AFDN: variants seen among roughly 807,000 people sequenced by gnomAD.
AFDN encodes the protein afadin.
In AFDN, 68 loss-of-function variants were observed where a neutral mutation model predicts 216.6. The observed-to-expected ratio is 0.31, with a 90% confidence interval of 0.26 to 0.38. The LOEUF is 0.38. Ranked by LOEUF, AFDN falls within the 10% of genes least tolerant of loss-of-function variation. The pLI is 1.00. For synonymous variants in AFDN, 868 were observed against 853.7 expected, an observed-to-expected ratio of 1.02 and a Z score of -0.29; for missense variants, 2,136 against 2,342.0, an observed-to-expected ratio of 0.91 and a Z score of 1.82.
At chr6:167,913,595 A>G (rs1223550830) in intron 16 of AFDN, 172 bp downstream of exon 16, 2 of 581,470 alleles carry the variant, frequency 3.4e-6, no homozygotes, top group Admixed American at 3.3e-5. Context: ...CTTTATCGGC[A>G]TTTCATAATT....
At chr6:167,826,857 A>ACGGCGGG (rs1199015022), upstream of AFDN, 1 of 143,412 alleles carries the variant, frequency 7.0e-6, no homozygotes, top group African/African-American at 2.5e-5. Context: ...GGCGGCGCGC[A>ACGGCGGG]CGGCGGCGGG....
intron 12 of AFDN, among the ~76,000 whole-genome samples, chr6:167,906,305 G>A (rs1377692400): frequency 2.0e-5 from 3 of 152,186 alleles, no homozygotes; most frequent in Non-Finnish European, 4.4e-5. Flanking sequence ...AAGTGATATT[G>A]TAAGATGTTT....
At chr6:167,826,646 G>A (rs960589798), upstream of AFDN, 7 of 491,960 alleles carry the variant, frequency 1.4e-5, no homozygotes, top group South Asian at 3.1e-5. Flanking sequence ...GCGCGCGTCC[G>A]AACCGAACCT....
At chr6:167,906,760 C>T (rs952202529) in intron 12 of AFDN, among the ~76,000 whole-genome samples, 17 of 152,180 alleles carry the variant, frequency 1.1e-4, no homozygotes, top group Admixed American at 1.1e-3. Flanking sequence ...ATTTCTAAAT[C>T]TGTTCTGAGA....
chr6:167,870,443 A>G lies in AFDN; in HGVS notation c.359A>G (p.Asp120Gly), dbSNP rs1226175445. Residue 120 changes from aspartate (D) to glycine (G), a missense_variant, in exon 3 of 34, where the codon GAT becomes GGT. Around this residue, in one of 8 missense-constraint regions of AFDN, gnomAD observed 817 missense variants for 965.7 expected, o/e 0.85. Transcript: ENST00000683244. ...PLVVQLNWNK[D>G]DREGRFVLKN... The stretch of plus-strand genomic sequence containing the variant: ...GTTGTACAACTGAATTGGAACAAAG[A>G]TGATCGGGAAGGCAGATTTGTTCTT... 1.2e-6 allele frequency: 2 copies of G among 1,612,860 alleles called. No homozygotes were observed. Among genetic ancestry groups the G allele is most frequent in the South Asian group, 1.1e-5 (1 of 90,742 alleles).
intron 12 of AFDN, among the ~76,000 whole-genome samples, chr6:167,903,045 C>A (rs1039995424): frequency 6.6e-6 from 1 of 152,218 alleles, no homozygotes; most frequent in Non-Finnish European, 1.5e-5. Context: ...CTTTTATTAA[C>A]CCTTCAGTTT....
intron 2 of AFDN, 122 bp from the exon 3 acceptor site, chr6:167,870,264 C>A: frequency 1.7e-6 from 1 of 604,636 alleles, no homozygotes; most frequent in Non-Finnish European, 2.9e-6. Context: ...TTGAACAATA[C>A]ATTTCAGTCT....
intron 7 of AFDN, among the ~76,000 whole-genome samples, chr6:167,889,851 G>A (rs139206146): frequency 0.022 from 3,365 of 152,310 alleles, 60 homozygotes; most frequent in Non-Finnish European, 0.033. Flanking sequence ...GTATCTACCA[G>A]TAGTAGAAAA....
chr6:167,960,163 ATAG>A (rs1026289592), intron 30 of AFDN, among the ~76,000 whole-genome samples: 3 of 152,238 alleles, frequency 2.0e-5, no homozygotes, highest in African/African-American at 7.2e-5. Flanking sequence ...GTAAAGCAAC[ATAG>A]CTTTGAAGAA....
intron 5 of AFDN, among the ~76,000 whole-genome samples, chr6:167,880,059 T>C (rs540157073): frequency 6.6e-6 from 1 of 152,308 alleles, no homozygotes; most frequent in Non-Finnish European, 1.5e-5. Context: ...TTTTCTTTCC[T>C]CACTATAGAT....
At chr6:167,933,260 A>G (rs533430151) in intron 23 of AFDN, among the ~76,000 whole-genome samples, 15 of 152,364 alleles carry the variant, frequency 9.8e-5, no homozygotes, top group African/African-American at 2.9e-4. Flanking sequence ...TGCCTTAAGT[A>G]TGTTCAAGTT....
At chr6:167,886,727 A>G (rs886855575) in intron 6 of AFDN, among the ~76,000 whole-genome samples, 3 of 152,202 alleles carry the variant, frequency 2.0e-5, no homozygotes, top group Non-Finnish European at 4.4e-5. Context: ...TCAGAATACT[A>G]TTAGTAAAAC....
chr6:167,959,612 A>G lies in AFDN; in HGVS notation c.4834-2821A>G, dbSNP rs143373207. ...GAGTCGTGTTTTCAGTAATTTGTCA[A>G]AAAGTAAAGGGTATTATGACCCCAT... is the stretch of plus-strand genomic sequence containing the variant. On this transcript the variant is annotated intron_variant, in intron 30 of 33. Transcript: ENST00000683244. 9.2e-5 allele frequency among the ~76,000 whole-genome samples: 14 copies of G among 152,314 alleles called. No homozygotes were observed. In the East Asian group the frequency reaches 2.7e-3, roughly 29 times the overall value.
At chr6:167,952,431 G>A in intron 30 of AFDN, 5 of 985,390 alleles carry the variant, frequency 5.1e-6, no homozygotes, top group Non-Finnish European at 6.0e-6. Context: ...GAACTTGATT[G>A]TTTTCATTAG....
At chr6:167,950,024 C>T (rs557230527) in intron 29 of AFDN, among the ~76,000 whole-genome samples, 14 of 152,218 alleles carry the variant, frequency 9.2e-5, no homozygotes, top group African/African-American at 2.2e-4. Context: ...TCAGCCCTTC[C>T]GGCAGCAGGG....
chr6:167,870,619 T>C (rs185173062), intron 3 of AFDN, 121 bp downstream of exon 3: 5 of 515,442 alleles, frequency 9.7e-6, no homozygotes, highest in African/African-American at 1.9e-5. Context: ...ATAAACCCTT[T>C]TACCCTCCTC....
At chr6:167,911,601 A>G in intron 15 of AFDN, 112 bp downstream of exon 15, 1 of 923,788 alleles carries the variant, frequency 1.1e-6, no homozygotes, top group Non-Finnish European at 1.7e-6. Flanking sequence ...TTTTTTCTAA[A>G]ATAAAAGTTA....
chr6:167,910,881 A>G (rs138396927), intron 13 of AFDN, among the ~76,000 whole-genome samples: 2 of 152,320 alleles, frequency 1.3e-5, no homozygotes, highest in East Asian at 3.9e-4. Context: ...GCGGCGGCAT[A>G]TACTTCAAGG....
chr6:167,964,614 CTGTGTGTGTGTGTGTGTGTGTGTGTG>C (rs369928994), intron 31 of AFDN: 11 of 960,086 alleles, frequency 1.1e-5, no homozygotes, highest in Admixed American at 1.2e-4. Context: ...CGTATTCACT[CTGTGTGTGTGTGTGTGTGTGTGTGTG>C]TGTGTGTGTG....
Sources: allele counts gnomAD v4.1 joint callset (sites outside exome capture counted in the v4.1 genomes callset), GRCh38; gene constraint gnomAD v4.1.1; regional missense constraint gnomAD v4.1.1; transcripts MANE v1.5; gene names NCBI Gene and HGNC (gene_info 2026-07-23, HGNC 2026-07-21).